Variants in IL1RAPL2 observed in about 807,000 individuals in gnomAD.
IL1RAPL2 encodes the protein interleukin 1 receptor accessory protein like 2.
Under a neutral mutation model 44.1 loss-of-function variants are expected in IL1RAPL2, and 3 were observed. That is an observed-to-expected ratio of 0.07 (90% CI 0.03 to 0.18). IL1RAPL2 has a LOEUF of 0.18. Ranked by LOEUF, IL1RAPL2 falls within the 10% of genes least tolerant of loss-of-function variation. IL1RAPL2 has a pLI of 1.00. For synonymous variants in IL1RAPL2, 181 were observed against 178.8 expected (o/e 1.01, Z -0.10); for missense variants, 391 against 496.4 (o/e 0.79, Z 2.02).
chrX:105,074,847 G>T (rs1279329003), intron 2 of IL1RAPL2, among the ~76,000 whole-genome samples: 1 of 109,483 alleles, frequency 9.1e-6, no homozygotes, highest in Non-Finnish European at 1.9e-5. Flanking sequence ...CTGTTTGTCT[G>T]TTATTGGTGT....
chrX:105,084,850 C>T (rs1202880195), intron 2 of IL1RAPL2, among the ~76,000 whole-genome samples: 2 of 111,819 alleles, frequency 1.8e-5, no homozygotes, highest in Non-Finnish European at 1.9e-5. Flanking sequence ...CCCATAATCC[C>T]CACATGTCGA....
intron 2 of IL1RAPL2, among the ~76,000 whole-genome samples, chrX:105,092,862 T>C (rs1392653663): frequency 1.8e-5 from 2 of 110,879 alleles, no homozygotes; most frequent in Admixed American, 9.6e-5. Context: ...TTGTGTGCCC[T>C]GTGTGCCTGA....
intron 1 of IL1RAPL2, among the ~76,000 whole-genome samples, chrX:104,634,778 TG>T (rs1294618462): frequency 1.2e-3 from 139 of 112,038 alleles, no homozygotes; most frequent in African/African-American, 4.3e-3. Context: ...AGCCCACTGA[TG>T]GGTCTTGACT....
chrX:105,343,231 C>G (rs982483332), intron 5 of IL1RAPL2, among the ~76,000 whole-genome samples: 9 of 111,738 alleles, frequency 8.1e-5, no homozygotes, highest in Middle Eastern at 4.8e-3. Flanking sequence ...GTAATATGTT[C>G]TTTGCAGTAT....
chrX:105,233,562 T>G, intron 3 of IL1RAPL2, among the ~76,000 whole-genome samples: 1 of 112,041 alleles, frequency 8.9e-6, no homozygotes, highest in Non-Finnish European at 1.9e-5. Flanking sequence ...TCAGACTATC[T>G]TACAGTTTGG....
At position 105,606,899 on chromosome X, in the gene IL1RAPL2, A is replaced by G. The variant is rs967417216; in HGVS notation, c.773-110468A>G. ...GTAGTTACTAGAGGCTTGGAAGGGT[A>G]TAAGGGAGAGCTGAATAGGGAAAGG... On this transcript the variant is annotated intron_variant, in intron 6 of 10. Coordinates refer to ENST00000372582, the MANE Select transcript of IL1RAPL2 (RefSeq NM_017416.2). Among the ~76,000 whole-genome samples, 12 of 111,365 alleles carry G rather than the reference A, an allele frequency of 1.1e-4. No homozygotes were observed. The Admixed American group carries it at 1.1e-3, about 11-fold the overall frequency.
chrX:105,616,805 T>A (rs1470385541), intron 6 of IL1RAPL2, among the ~76,000 whole-genome samples: 6 of 111,094 alleles, frequency 5.4e-5, no homozygotes, highest in African/African-American at 2.0e-4. Flanking sequence ...ATCAATTTTC[T>A]TTTTATGATC....
At chrX:105,239,840 C>T (rs782274520) in intron 4 of IL1RAPL2, among the ~76,000 whole-genome samples, 5 of 111,349 alleles carry the variant, frequency 4.5e-5, no homozygotes, top group Non-Finnish European at 9.4e-5. Flanking sequence ...GTTAGTGAAC[C>T]GTAAAAATCT....
chrX:105,678,662 A>ACTT (rs2147521345), intron 6 of IL1RAPL2, among the ~76,000 whole-genome samples: 1 of 110,384 alleles, frequency 9.1e-6, no homozygotes, highest in East Asian at 2.9e-4. Flanking sequence ...TCTTTTCCTG[A>ACTT]CTTCTGAATA....
At chrX:104,694,178 C>A (rs1014899811) in intron 2 of IL1RAPL2, among the ~76,000 whole-genome samples, 3 of 111,914 alleles carry the variant, frequency 2.7e-5, no homozygotes, top group Non-Finnish European at 5.6e-5. Context: ...TCTTGCAAGC[C>A]TTTTCATTGT....
At chrX:105,591,206 G>A (rs1474696631) in intron 6 of IL1RAPL2, among the ~76,000 whole-genome samples, 1 of 108,659 alleles carries the variant, frequency 9.2e-6, no homozygotes, top group East Asian at 2.9e-4. Flanking sequence ...GCATAGAGGT[G>A]TTTGTGATAG....
chrX:105,701,318 C>T lies in IL1RAPL2; in HGVS notation c.773-16049C>T, dbSNP rs923622019. Among the ~76,000 whole-genome samples the T allele has an allele frequency of 7.2e-5, 8 of 111,037 alleles. No homozygotes were observed. The Admixed American group carries it at 7.6e-4, about 11-fold the overall frequency. On this transcript the variant is annotated intron_variant, in intron 6 of 10. Transcript: ENST00000372582. ...TCTATAATGCACAAATACGTGCCTA[C>T]CCTTGAGACAACTCAAGGGTGATTT...
intron 1 of IL1RAPL2, among the ~76,000 whole-genome samples, chrX:104,595,841 G>A (rs185082841): frequency 5.6e-4 from 62 of 111,411 alleles, no homozygotes; most frequent in African/African-American, 2.0e-3. Context: ...ATCACCTAGG[G>A]ATGCTGGTTC....
intron 5 of IL1RAPL2, among the ~76,000 whole-genome samples, chrX:105,421,296 T>G (rs1445179258): frequency 9.0e-6 from 1 of 111,316 alleles, no homozygotes; most frequent in African/African-American, 3.3e-5. Context: ...AATGAGGCAA[T>G]CAGATATGCA....
At chrX:104,591,791 TA>T (rs935414041) in intron 1 of IL1RAPL2, among the ~76,000 whole-genome samples, 3 of 110,875 alleles carry the variant, frequency 2.7e-5, no homozygotes, top group Non-Finnish European at 5.7e-5. Context: ...GTAATTTCTT[TA>T]TGATAATATC....
At chrX:104,901,242 G>A (rs1235967593) in intron 2 of IL1RAPL2, among the ~76,000 whole-genome samples, 19 of 72,690 alleles carry the variant, frequency 2.6e-4, no homozygotes, top group Non-Finnish European at 3.7e-4. Context: ...ACGGACTCTC[G>A]CTCTGTTGCT....
chrX:105,487,650 G>A (rs992000943), intron 6 of IL1RAPL2, among the ~76,000 whole-genome samples: 1 of 111,976 alleles, frequency 8.9e-6, no homozygotes, highest in African/African-American at 3.2e-5. Context: ...AATTTTAAGT[G>A]ATTTTAACTC....
chrX:105,524,507 C>T (rs769625620), intron 6 of IL1RAPL2, among the ~76,000 whole-genome samples: 1 of 109,229 alleles, frequency 9.2e-6, no homozygotes, highest in South Asian at 4.0e-4. Flanking sequence ...ACTTAAAACA[C>T]ATCATTTTCA....
In IL1RAPL2 at chrX:104,928,746, A is replaced by G. The variant is rs376551819; in HGVS notation, c.83-266729A>G. Among the ~76,000 whole-genome samples the G allele has an allele frequency of 4.5e-5, 5 of 111,196 alleles. No homozygotes were observed. The East Asian group carries it at 8.5e-4, about 19-fold the overall frequency. ...AAGGGAACTAAACATGTACTACGTG[A>G]TGTTACTTCGTAGAATAAGAAAGGC... On this transcript the variant is annotated intron_variant, in intron 2 of 10. Transcript: ENST00000372582.
Sources: gnomAD v4.1 joint callset for allele counts (sites outside exome capture counted in the v4.1 genomes callset) on GRCh38, gnomAD v4.1.1 for gene constraint, MANE v1.5 for transcripts, NCBI Gene and HGNC (gene_info 2026-07-23, HGNC 2026-07-21) for gene names.